The following KATNIP variants were observed in gnomAD, a reference collection of about 807,000 sequenced individuals.
KATNIP encodes katanin-interacting protein.
Under a neutral mutation model 174.0 loss-of-function variants are expected in KATNIP, and 126 were observed. That is an observed-to-expected ratio of 0.72 (90% CI 0.63 to 0.84). The LOEUF (loss-of-function observed/expected upper bound fraction) is 0.84. Ranked by LOEUF, KATNIP falls within the 40% of genes least tolerant of loss-of-function variation. The pLI is 0.00. For missense variants in KATNIP, 1,958 were observed against 2,109.7 expected (o/e 0.93, Z 1.41); for synonymous variants, 810 against 835.7 (o/e 0.97, Z 0.53).
chr16:27,576,436 C>T (rs1242390411), intron 2 of KATNIP, among the ~76,000 whole-genome samples: 1 of 151,650 alleles, frequency 6.6e-6, no homozygotes, highest in Non-Finnish European at 1.5e-5. Context: ...GTTAGAAAAA[C>T]AAAACAAAAA....
chr16:27,648,536 G>T, intron 5 of KATNIP, 68 bp from the exon 6 acceptor site: 1 of 1,587,970 alleles, frequency 6.3e-7, no homozygotes, highest in Admixed American at 1.7e-5. Flanking sequence ...TCCAGTGCCA[G>T]TCCCTGCCCC....
intron 2 of KATNIP, among the ~76,000 whole-genome samples, chr16:27,600,798 C>T (rs553643918): frequency 1.2e-4 from 18 of 151,468 alleles, no homozygotes; most frequent in Middle Eastern, 3.4e-3. Flanking sequence ...GGCGCAATCT[C>T]GGCTTACCAC....
chr16:27,766,383 A>G lies in KATNIP; in HGVS notation c.3884A>G (p.His1295Arg), dbSNP rs770858972. ...WLIPFSPGLD[H>R]VVTIRLDRAE... Reference sequence around the variant, plus strand: ...ATCCCCTTCTCGCCGGGGCTGGACCATGTGGTCACGATCCGCCTGGACAGG... The same window carrying G: ...ATCCCCTTCTCGCCGGGGCTGGACCGTGTGGTCACGATCCGCCTGGACAGG... Residue 1295 changes from histidine to arginine, a missense_variant, in exon 20 of 28, where the codon CAT becomes CGT. Around this residue, in one of 3 missense-constraint regions of KATNIP, gnomAD observed 383 missense variants for 456.0 expected, o/e 0.84. Coordinates refer to ENST00000261588, the MANE Select transcript of KATNIP (RefSeq NM_015202.5). The G allele has an allele frequency of 1.6e-5, 26 of 1,614,172 alleles. No homozygotes were observed. Among genetic ancestry groups the G allele is most frequent in the East Asian group, 2.2e-5 (1 of 44,882 alleles).
intron 5 of KATNIP, among the ~76,000 whole-genome samples, chr16:27,631,538 C>T (rs892164724): frequency 1.3e-5 from 2 of 148,810 alleles, no homozygotes; most frequent in African/African-American, 5.0e-5. Flanking sequence ...GAGCAAGAGC[C>T]TGTCTAAAAA....
Position 27,740,786 on chromosome 16 carries a change from C to A in KATNIP, c.2489C>A (p.Thr830Asn). 2 of 1,614,184 alleles carry A rather than the reference C, an allele frequency of 1.2e-6. No individual in the cohort carries two copies. The highest frequency in any genetic ancestry group is 1.7e-6 in the Non-Finnish European group (2 of 1,180,010). The change falls in exon 15 of 28, where the codon ACC becomes AAC. Residue 830 changes from threonine (T) to asparagine (N), a missense_variant. This residue lies in a region of KATNIP where 1,557 missense variants were observed against 1,617.8 expected (regional missense o/e 0.96). Transcript: ENST00000261588. Reference sequence around the variant, plus strand: ...ACCAAGGAGAGACCCCAGAGGGCAACCACCAAAGTCCACAGTGATGACTCA... The same window carrying A: ...ACCAAGGAGAGACCCCAGAGGGCAAACACCAAAGTCCACAGTGATGACTCA... The part of the protein sequence containing the change: ...VNTKERPQRA[T>N]TKVHSDDSDI...
rs549531225 is a variant in KATNIP, at chr16:27,672,005, G to A, written c.541-5724G>A. Among the ~76,000 whole-genome samples the A allele has an allele frequency of 8.5e-5, 13 of 152,262 alleles. No individual in the cohort carries two copies. In the East Asian group the frequency reaches 1.5e-3, roughly 18 times the overall value. On this transcript the variant is annotated intron_variant, in intron 6 of 27. Coordinates refer to ENST00000261588, the MANE Select transcript of KATNIP (RefSeq NM_015202.5). The stretch of plus-strand genomic sequence containing the variant: ...CGGAAGGCGGAGGTTGCAGTGAGCC[G>A]AGATCGTGTCACTGCATTCCAGCCT...
intron 8 of KATNIP, among the ~76,000 whole-genome samples, chr16:27,686,124 G>C (rs944253506): frequency 1.3e-5 from 2 of 152,082 alleles, no homozygotes; most frequent in Non-Finnish European, 2.9e-5. Flanking sequence ...CAGAACACTG[G>C]GATGTTCACA....
intron 5 of KATNIP, among the ~76,000 whole-genome samples, chr16:27,641,190 C>T (rs2076784828): frequency 6.6e-6 from 1 of 151,696 alleles, no homozygotes; most frequent in South Asian, 2.1e-4. Flanking sequence ...AACATTAGAG[C>T]TCTCTTTCAT....
chr16:27,717,050 G>T (rs748028220), intron 13 of KATNIP, among the ~76,000 whole-genome samples: 1 of 152,010 alleles, frequency 6.6e-6, no homozygotes, highest in Non-Finnish European at 1.5e-5. Context: ...CACTATGTTG[G>T]CCCGGCTGGT....
chr16:27,775,052 C>T lies in KATNIP; in HGVS notation c.4417C>T (p.His1473Tyr). Reference sequence around the variant, plus strand: ...AGTGAACGACACCAGTGATGGCCGGCACATGTGGCTGGCTCCCATCCTGCC... The same window carrying T: ...AGTGAACGACACCAGTGATGGCCGGTACATGTGGCTGGCTCCCATCCTGCC... ...DQVNDTSDGR[H>Y]MWLAPILPGL... Residue 1473 changes from histidine (H) to tyrosine (Y), a missense_variant, in exon 24 of 28, where the codon CAC (histidine) becomes TAC (tyrosine). Transcript: ENST00000261588. 1 of 1,612,978 alleles carries T rather than the reference C, an allele frequency of 6.2e-7. No individual in the cohort carries two copies. Among genetic ancestry groups the T allele is most frequent in the Non-Finnish European group, 8.5e-7 (1 of 1,179,696 alleles).
chr16:27,561,019 T>C (rs947796713), intron 1 of KATNIP, among the ~76,000 whole-genome samples: 38 of 151,864 alleles, frequency 2.5e-4, no homozygotes, highest in Non-Finnish European at 4.7e-4. Context: ...CTTTTTTTTT[T>C]CTTTTTTTTC....
At chr16:27,714,156 G>C (rs1413961303) in intron 13 of KATNIP, among the ~76,000 whole-genome samples, 3 of 151,960 alleles carry the variant, frequency 2.0e-5, no homozygotes, top group African/African-American at 7.2e-5. Flanking sequence ...TTCTCAGCAA[G>C]ACTTTCCCTC....
intron 18 of KATNIP, among the ~76,000 whole-genome samples, chr16:27,757,310 G>A (rs906293299): frequency 6.6e-6 from 1 of 152,200 alleles, no homozygotes; most frequent in African/African-American, 2.4e-5. Flanking sequence ...GGCGGGAGGT[G>A]GGAGATGGAA....
intron 14 of KATNIP, among the ~76,000 whole-genome samples, chr16:27,729,667 C>T (rs1003679036): frequency 6.6e-6 from 1 of 152,160 alleles, no homozygotes; most frequent in African/African-American, 2.4e-5. Flanking sequence ...TTTCTTACTG[C>T]GAATGCACAC....
intron 3 of KATNIP, among the ~76,000 whole-genome samples, chr16:27,624,273 A>T (rs894771273): frequency 4.6e-5 from 7 of 152,102 alleles, no homozygotes; most frequent in African/African-American, 1.2e-4. Context: ...GTGGCCCACG[A>T]GGAGGAGACT....
chr16:27,704,079 C>A, intron 12 of KATNIP, 81 bp downstream of exon 12: 2 of 1,112,134 alleles, frequency 1.8e-6, no homozygotes, highest in South Asian at 2.6e-5. Flanking sequence ...GAGGATTGCT[C>A]TGACAGTGGT....
At chr16:27,571,112 A>G (rs1389687197) in intron 1 of KATNIP, among the ~76,000 whole-genome samples, 1 of 152,088 alleles carries the variant, frequency 6.6e-6, no homozygotes, top group Non-Finnish European at 1.5e-5. Flanking sequence ...GGCTCACTGC[A>G]ACTTCTGCCT....
chr16:27,553,192 G>T (rs1040888265), intron 1 of KATNIP, among the ~76,000 whole-genome samples: 30 of 152,148 alleles, frequency 2.0e-4, no homozygotes, highest in African/African-American at 7.2e-4. Flanking sequence ...TCTAAACGTT[G>T]ACCTTTCAGA....
At chr16:27,645,561 A>C (rs116004854) in intron 5 of KATNIP, among the ~76,000 whole-genome samples, 3,333 of 152,268 alleles carry the variant, frequency 0.022, 138 homozygotes, top group African/African-American at 0.076. Flanking sequence ...ATCTTAGAGA[A>C]CATGGCTCCT....
Sources: allele counts gnomAD v4.1 joint callset (sites outside exome capture counted in the v4.1 genomes callset), GRCh38; gene constraint gnomAD v4.1.1; regional missense constraint gnomAD v4.1.1; transcripts MANE v1.5; gene names NCBI Gene and HGNC (gene_info 2026-07-23, HGNC 2026-07-21).